The following COG4 variants were observed in gnomAD, a reference collection of about 807,000 sequenced individuals.
COG4 encodes component of oligomeric golgi complex 4.
COG4 carries 65 observed loss-of-function variants against 95.1 expected under a neutral mutation model. The observed-to-expected ratio is 0.68, with a 90% CI of 0.56 to 0.84. The LOEUF (loss-of-function observed/expected upper bound fraction) is 0.84, where lower values mean the gene tolerates loss of function less well. Among genes scored for constraint, COG4 ranks in the 40% least tolerant of loss-of-function variants. The pLI, the probability that COG4 is intolerant of heterozygous loss-of-function variation, is 0.00. For missense variants in COG4, 1,045 were observed against 989.1 expected (o/e 1.06, Z -0.76); for synonymous variants, 421 against 374.8 (o/e 1.12, Z -1.42).
intron 14 of COG4, 87 bp from the exon 15 acceptor site, chr16:70,482,908 C>T (rs2049030978): frequency 1.0e-6 from 1 of 986,428 alleles, no homozygotes; most frequent in Non-Finnish European, 1.6e-6. Flanking sequence ...TCCCTCTATC[C>T]TCTCCCCATC....
intron 1 of COG4, among the ~76,000 whole-genome samples, chr16:70,521,073 C>A (rs1454993270): frequency 6.6e-6 from 1 of 152,216 alleles, no homozygotes; most frequent in Admixed American, 6.5e-5. Flanking sequence ...TTTGTAGCCA[C>A]GAGGTCTCAC....
rs1274313439 is a variant in COG4, at chr16:70,512,444, G to A, written c.545-12C>T. Reference sequence around the variant, plus strand: ...ATCAATCATGCTCCCTGCTCAACAGGGAGAAAATGAAAATTCAAGTAAAGA... The same window carrying A: ...ATCAATCATGCTCCCTGCTCAACAGAGAGAAAATGAAAATTCAAGTAAAGA... On this transcript the variant is annotated splice_polypyrimidine_tract_variant and intron_variant, in intron 4 of 18. Transcript: ENST00000323786. 1.9e-6 allele frequency: 3 copies of A among 1,611,138 alleles called. No individual in the cohort carries two copies. Among genetic ancestry groups the A allele is most frequent in the Non-Finnish European group, 2.5e-6 (3 of 1,178,146 alleles).
chr16:70,485,534 T>G (rs989103300), intron 13 of COG4, among the ~76,000 whole-genome samples: 2 of 150,872 alleles, frequency 1.3e-5, no homozygotes, highest in African/African-American at 4.9e-5. Context: ...AGATAAATCA[T>G]GGAGCTGGGA....
At position 70,519,205 on chromosome 16, in the gene COG4, C is replaced by A. The variant is rs2049886214; in HGVS notation, c.254+444G>T. On this transcript the variant is annotated intron_variant, in intron 2 of 18. Coordinates refer to ENST00000323786, the MANE Select transcript of COG4 (RefSeq NM_015386.3). ...GCAGTGGCGCAATCTCGGCTCATTGCAAGCTCCGCTTCCCCGGGTTCACGC... is the reference window on the plus strand; with the variant it reads ...GCAGTGGCGCAATCTCGGCTCATTGAAAGCTCCGCTTCCCCGGGTTCACGC... 5.3e-5 allele frequency among the ~76,000 whole-genome samples: 2 copies of A among 37,680 alleles called. 1 individual carries two copies. The highest frequency in any genetic ancestry group is 5.1e-4 in the Admixed American group (2 of 3,948). 24.7% of individuals were successfully genotyped at this position (37,680 alleles called of 152,430 possible). A position where few individuals can be genotyped will look rare whatever the true frequency, so the allele number is the denominator to read the frequency against.
chr16:70,511,899 T>G (rs529936464), intron 5 of COG4, among the ~76,000 whole-genome samples: 76 of 150,896 alleles, frequency 5.0e-4, no homozygotes, highest in Middle Eastern at 3.4e-3. Flanking sequence ...GCCATTGTAC[T>G]CCAGCCTGAG....
rs767884364 is a variant in COG4, at chr16:70,517,645, C to T, written c.350G>A (p.Arg117His). 13 of 1,580,728 alleles carry T rather than the reference C, an allele frequency of 8.2e-6. No homozygotes were observed. The highest frequency in any genetic ancestry group is 2.3e-5 in the East Asian group (1 of 44,216). ...NLAENVSSKV[R>H]QLDLAKNRLY... ...TATTACCTTGGCCAGGTCAAGCTGA[C>T]GAACTTTGCTGGACACATTCTCAGC... The change falls in exon 3 of 19, where the codon CGT becomes CAT. Residue 117 changes from arginine to histidine, a missense_variant. Transcript: ENST00000323786.
At position 70,501,048 on chromosome 16, in the gene COG4, G is replaced by A. The variant is rs752476851; in HGVS notation, c.1105C>T (p.Arg369Cys). 1.6e-5 allele frequency: 26 copies of A among 1,613,774 alleles called. No homozygotes were observed. The highest frequency in any genetic ancestry group is 2.7e-5 in the African/African-American group (2 of 74,890). Reference protein sequence around the residue: ...ILTEVTLMNARSELYLRFLKK... With the variant: ...ILTEVTLMNACSELYLRFLKK... ...AGGAAGCGTAAGTATAGCTCACTGCGGGCATTCATCAGGGTGACCTCAGTC... is the reference window on the plus strand; with the variant it reads ...AGGAAGCGTAAGTATAGCTCACTGCAGGCATTCATCAGGGTGACCTCAGTC... The change falls in exon 9 of 19, where the codon CGC (arginine) becomes TGC (cysteine). Residue 369 changes from arginine to cysteine, a missense_variant. Coordinates refer to ENST00000323786, the MANE Select transcript of COG4 (RefSeq NM_015386.3).
intron 2 of COG4, 151 bp from the exon 3 acceptor site, chr16:70,517,891 AAC>A: frequency 1.5e-6 from 1 of 664,834 alleles, no homozygotes; most frequent in Non-Finnish European, 2.7e-6. Flanking sequence ...TTTTCTCAAG[AAC>A]GTTTGACTGT....
chr16:70,486,671 G>A (rs1282430059), intron 13 of COG4, among the ~76,000 whole-genome samples: 2 of 152,156 alleles, frequency 1.3e-5, no homozygotes, highest in African/African-American at 4.8e-5. Context: ...TAAGGATGAG[G>A]TCAGAAATAG....
intron 13 of COG4, among the ~76,000 whole-genome samples, chr16:70,485,075 A>G (rs55836320): frequency 1.1e-3 from 171 of 152,248 alleles, no homozygotes; most frequent in Non-Finnish European, 1.8e-3. Context: ...AGCCATGGCA[A>G]TAAGTCAGGA....
chr16:70,485,199 G>T (rs1365279303), intron 13 of COG4, among the ~76,000 whole-genome samples: 1 of 146,106 alleles, frequency 6.8e-6, no homozygotes, highest in African/African-American at 2.7e-5. Flanking sequence ...GTGAGACCCT[G>T]TCTCTCTTTT....
At position 70,520,092 on chromosome 16, in the gene COG4, A is replaced by G. The variant is rs1219709387; in HGVS notation, c.172-361T>C. 2.6e-5 allele frequency among the ~76,000 whole-genome samples: 4 copies of G among 152,046 alleles called. No homozygotes were observed. The East Asian group carries it at 7.7e-4, about 29-fold the overall frequency. On this transcript the variant is annotated intron_variant, in intron 1 of 18. Coordinates refer to ENST00000323786, the MANE Select transcript of COG4 (RefSeq NM_015386.3). ...CCAGGTGGGTGGATCACCTGAGGTC[A>G]GGAGTTCATGACCAGCCTGGCCACA...
intron 1 of COG4, among the ~76,000 whole-genome samples, chr16:70,521,439 C>T (rs2151766945): frequency 6.6e-6 from 1 of 152,126 alleles, no homozygotes; most frequent in African/African-American, 2.4e-5. Context: ...CCAGGTTGGT[C>T]TCGAACTCCT....
chr16:70,523,017 A>G (rs943547417), intron 1 of COG4: 4 of 297,340 alleles, frequency 1.3e-5, no homozygotes, highest in Non-Finnish European at 2.6e-5. Context: ...TAATTTGTAA[A>G]TTAAGCCAAT....
At chr16:70,483,286 A>C (rs1186560649) in intron 14 of COG4, among the ~76,000 whole-genome samples, 45 of 45,658 alleles carry the variant, frequency 9.9e-4, no homozygotes, top group South Asian at 1.8e-3. Flanking sequence ...TCCTCTCCCC[A>C]CCCCATCCTC....
intron 12 of COG4, among the ~76,000 whole-genome samples, chr16:70,491,755 C>T (rs1001327870): frequency 2.2e-5 from 3 of 139,510 alleles, no homozygotes; most frequent in African/African-American, 8.0e-5. Context: ...ACTTGGGAGG[C>T]GTAGGTTGCA....
chr16:70,515,374 C>A (rs1175546236), intron 3 of COG4, among the ~76,000 whole-genome samples: 8 of 152,082 alleles, frequency 5.3e-5, no homozygotes, highest in Non-Finnish European at 5.9e-5. Flanking sequence ...GCCACCAACT[C>A]ACTATTAAGG....
chr16:70,517,534 G>A (rs2049846893), intron 3 of COG4, 92 bp downstream of exon 3: 1 of 752,826 alleles, frequency 1.3e-6, no homozygotes, highest in Non-Finnish European at 2.2e-6. Flanking sequence ...GCTGTAGTGA[G>A]CTGTCATTGT....
Position 70,487,288 on chromosome 16 carries a change from A to T in COG4, c.1710+3042T>A, listed in dbSNP as rs557769406. Among the ~76,000 whole-genome samples the T allele has an allele frequency of 3.6e-3, 543 of 150,720 alleles. 9 individuals are homozygous for T. Among genetic ancestry groups the T allele is most frequent in the African/African-American group, 0.012 (492 of 40,718 alleles). On this transcript the variant is annotated intron_variant, in intron 13 of 18. Transcript: ENST00000323786. ...GAGAATCGGTCTCAAAAAATAAAAA[A>T]ATAAAAATAAAAAAAAAAAAAGACA...
Sources: gnomAD v4.1 joint callset for allele counts (sites outside exome capture counted in the v4.1 genomes callset) on GRCh38, gnomAD v4.1.1 for gene constraint, MANE v1.5 for transcripts, NCBI Gene and HGNC (gene_info 2026-07-23, HGNC 2026-07-21) for gene names.